Variants in THSD7A observed in about 807,000 individuals in gnomAD.
THSD7A encodes the protein thrombospondin type 1 domain containing 7A, also known as thrombospondin type-1 domain-containing protein 7A.
In THSD7A, 96 loss-of-function variants were observed where a neutral mutation model predicts 231.3. The ratio of observed to expected loss-of-function variants is 0.41; its 90% CI spans 0.35 to 0.49. The LOEUF is 0.49. Ranked by LOEUF, THSD7A falls within the 20% of genes least tolerant of loss-of-function variation. The pLI, the probability that THSD7A is intolerant of heterozygous loss-of-function variation, is 0.05. For missense variants in THSD7A, 2,290 were observed against 2,070.2 expected (o/e 1.11, Z -2.06); for synonymous variants, 940 against 743.3 (o/e 1.26, Z -4.30).
At chr7:11,763,635 T>G (rs1043444185) in intron 1 of THSD7A, among the ~76,000 whole-genome samples, 8 of 152,170 alleles carry the variant, frequency 5.3e-5, no homozygotes, top group African/African-American at 1.9e-4. Flanking sequence ...TTAGTGTTTA[T>G]AACTTAAACA....
At chr7:11,533,421 T>C (rs1007729633) in intron 6 of THSD7A, among the ~76,000 whole-genome samples, 1 of 152,144 alleles carries the variant, frequency 6.6e-6, no homozygotes, top group African/African-American at 2.4e-5. Flanking sequence ...CTGTTCCTGT[T>C]TTATGGTGAG....
In THSD7A at chr7:11,645,280, A is replaced by G. The variant is rs146330603; in HGVS notation, c.191-8319T>C. Among the ~76,000 whole-genome samples the G allele has an allele frequency of 2.6e-3, 390 of 151,754 alleles. 2 individuals are homozygous for G. Among genetic ancestry groups the G allele is most frequent in the African/African-American group, 9.0e-3 (374 of 41,492 alleles). On this transcript the variant is annotated intron_variant, in intron 1 of 27. Transcript: ENST00000423059. ...ATTCTCATGGATGTTTTTTCTCAATATATTTATTTGAGATACTAACATTTT... is the reference window on the plus strand; with the variant it reads ...ATTCTCATGGATGTTTTTTCTCAATGTATTTATTTGAGATACTAACATTTT...
At chr7:11,816,277 T>A (rs1340504974) in intron 1 of THSD7A, among the ~76,000 whole-genome samples, 1 of 152,132 alleles carries the variant, frequency 6.6e-6, no homozygotes, top group Non-Finnish European at 1.5e-5. Flanking sequence ...AACTGGGGAA[T>A]AAAAGGTCAC....
intron 6 of THSD7A, among the ~76,000 whole-genome samples, chr7:11,534,388 G>T (rs1788830010): frequency 6.6e-6 from 1 of 152,180 alleles, no homozygotes; most frequent in African/African-American, 2.4e-5. Flanking sequence ...TGGTCCTCTT[G>T]AAGTTATGCC....
At chr7:11,642,863 CTTTA>C (rs1440267322) in intron 1 of THSD7A, among the ~76,000 whole-genome samples, 1 of 151,976 alleles carries the variant, frequency 6.6e-6, no homozygotes, top group Non-Finnish European at 1.5e-5. Context: ...AAAACTGTCT[CTTTA>C]TTTCAGTCTA....
intron 9 of THSD7A, among the ~76,000 whole-genome samples, chr7:11,463,524 T>C (rs39184): frequency 0.65 from 99,324 of 152,068 alleles, 34,337 homozygotes; most frequent in African/African-American, 0.88. Context: ...CGACCTTGTA[T>C]GACCTATCCC....
chr7:11,422,815 G>A (rs1004307785), intron 16 of THSD7A, among the ~76,000 whole-genome samples: 9 of 151,976 alleles, frequency 5.9e-5, no homozygotes, highest in Non-Finnish European at 1.2e-4. Flanking sequence ...ACCATGTGCA[G>A]CTAATTTTTG....
chr7:11,830,981 G>A (rs1785175083), intron 1 of THSD7A, among the ~76,000 whole-genome samples: 1 of 152,202 alleles, frequency 6.6e-6, no homozygotes, highest in African/African-American at 2.4e-5. Flanking sequence ...GAGAGAAAGC[G>A]AACCCGCAGA....
At chr7:11,553,133 A>G (rs12699224) in intron 4 of THSD7A, among the ~76,000 whole-genome samples, 26,269 of 152,048 alleles carry the variant, frequency 0.17, 2,277 homozygotes, top group Admixed American at 0.19. Context: ...TGCTGAAACA[A>G]AGCCTTCTTG....
At position 11,674,539 on chromosome 7, in the gene THSD7A, T is replaced by C. The variant is rs537396435; in HGVS notation, c.191-37578A>G. On this transcript the variant is annotated intron_variant, in intron 1 of 27. Transcript: ENST00000423059. ...AAACATTGCTGCAAAAAGCACGAAC[T>C]GTGAAACTCCCCAAAGGAGCCCATC... Among the ~76,000 whole-genome samples the C allele has an allele frequency of 5.9e-5, 9 of 152,222 alleles. No homozygotes were observed. In the South Asian group the frequency reaches 1.7e-3, roughly 28 times the overall value.
chr7:11,507,175 A>C (rs1787580409), intron 6 of THSD7A, among the ~76,000 whole-genome samples: 2 of 152,218 alleles, frequency 1.3e-5, no homozygotes. Context: ...AGCAATTTAG[A>C]AGAGCTCGAA....
intron 1 of THSD7A, among the ~76,000 whole-genome samples, chr7:11,653,182 T>C (rs1782572615): frequency 6.6e-6 from 1 of 151,990 alleles, no homozygotes; most frequent in Non-Finnish European, 1.5e-5. Context: ...ACTATTTTTA[T>C]AGTTATTGTA....
chr7:11,406,810 T>G lies in THSD7A; in HGVS notation c.4062+100A>C. 7.2e-7 allele frequency: 1 copy of G among 1,381,890 alleles called. No individual in the cohort carries two copies. The highest frequency in any genetic ancestry group is 9.7e-7 in the Non-Finnish European group (1 of 1,029,512). 85.6% of individuals were successfully genotyped at this position (1,381,890 alleles called of 1,614,324 possible). ...TTTAAGAAGCTTGTCATCTGTGAGC[T>G]CTGAAACATATTTCTAACACATTAT... On this transcript the variant is annotated intron_variant, in intron 21 of 27. Transcript: ENST00000423059. This position sits in a 1 kb window ranked among gnomAD's most constrained non-coding sequence, Gnocchi z 4.7.
chr7:11,781,188 C>A (rs1313877959), intron 1 of THSD7A, among the ~76,000 whole-genome samples: 2 of 151,890 alleles, frequency 1.3e-5, no homozygotes, highest in Non-Finnish European at 2.9e-5. Flanking sequence ...TGCCTGTAAT[C>A]TCAACACTTT....
At chr7:11,704,508 G>C (rs1352393880) in intron 1 of THSD7A, among the ~76,000 whole-genome samples, 1 of 150,774 alleles carries the variant, frequency 6.6e-6, no homozygotes, top group East Asian at 2.0e-4. Flanking sequence ...GCAAGGAGAA[G>C]AAGCAGGAAA....
At chr7:11,483,085 G>A (rs972585198) in intron 6 of THSD7A, among the ~76,000 whole-genome samples, 5 of 152,148 alleles carry the variant, frequency 3.3e-5, no homozygotes, top group African/African-American at 1.2e-4. Flanking sequence ...TATATAAAAA[G>A]TGTGTGCCTC....
chr7:11,780,100 T>G (rs1783576007), intron 1 of THSD7A, among the ~76,000 whole-genome samples: 1 of 152,194 alleles, frequency 6.6e-6, no homozygotes, highest in African/African-American at 2.4e-5. Context: ...CTTCCTGGTT[T>G]ACAGATGTAT....
At chr7:11,436,539 C>T (rs1784638503) in intron 13 of THSD7A, among the ~76,000 whole-genome samples, 1 of 152,044 alleles carries the variant, frequency 6.6e-6, no homozygotes, top group Non-Finnish European at 1.5e-5. Context: ...TCAGATACTG[C>T]ATTCCCATAA....
chr7:11,706,404 G>C (rs1268302651), intron 1 of THSD7A, among the ~76,000 whole-genome samples: 1 of 150,774 alleles, frequency 6.6e-6, no homozygotes, highest in Non-Finnish European at 1.5e-5. Context: ...TGAGTCTTAA[G>C]AAACTCAGAA....
Sources: allele counts gnomAD v4.1 joint callset (sites outside exome capture counted in the v4.1 genomes callset), GRCh38; gene constraint gnomAD v4.1.1; non-coding constraint Gnocchi (gnomAD v3.1); transcripts MANE v1.5; gene names NCBI Gene and HGNC (gene_info 2026-07-23, HGNC 2026-07-21).